PER3: variants seen among roughly 807,000 people sequenced by gnomAD.
The protein encoded by PER3 is period circadian regulator 3.
A neutral mutation model predicts 127.2 loss-of-function variants in PER3; 107 were observed. The ratio of observed to expected loss-of-function variants is 0.84; its 90% CI spans 0.72 to 0.99. The LOEUF is 0.99. PER3 is among the 50% of genes least tolerant of loss of function. The probability of loss-of-function intolerance (pLI) is 0.00; values close to 1 mark genes in which losing one functional copy is unlikely to be tolerated. For synonymous variants in PER3, 618 were observed against 585.8 expected, an observed-to-expected ratio of 1.05 and a Z score of -0.79; for missense variants, 1,560 against 1,525.8, an observed-to-expected ratio of 1.02 and a Z score of -0.37.
chr1:7,840,098 C>T (rs1024638645), intron 21 of PER3, among the ~76,000 whole-genome samples: 1 of 152,138 alleles, frequency 6.6e-6, no homozygotes, highest in Admixed American at 6.5e-5. Flanking sequence ...TCGGACTTGA[C>T]AGTTTCAATT....
intron 13 of PER3, among the ~76,000 whole-genome samples, chr1:7,814,663 G>A (rs1411253518): frequency 6.6e-6 from 1 of 152,152 alleles, no homozygotes; most frequent in Non-Finnish European, 1.5e-5. Context: ...GGGAATAAAT[G>A]AAGATAAAAT....
chr1:7,819,557 C>G (rs2097266271), intron 14 of PER3, 137 bp downstream of exon 14: 7 of 732,362 alleles, frequency 9.6e-6, no homozygotes, highest in Non-Finnish European at 1.6e-5. Context: ...TATGGCGTGC[C>G]TAACACATAC....
chr1:7,805,992 TATTC>T (rs2097190947), intron 10 of PER3, among the ~76,000 whole-genome samples: 1 of 151,890 alleles, frequency 6.6e-6, no homozygotes, highest in Non-Finnish European at 1.5e-5. Flanking sequence ...AAATATTAAT[TATTC>T]ATTATATTTA....
Position 7,837,022 on chromosome 1 carries a change from A to T in PER3, c.3422A>T (p.Glu1141Val). Residue 1141 changes from glutamate (E) to valine (V), a missense_variant, in exon 21 of 22, where the codon GAA becomes GTA. Physicochemically the swap from Glu to Val is moderately radical, Grantham distance 121. Coordinates refer to ENST00000377532, the MANE Select transcript of PER3 (RefSeq NM_001377275.1). The stretch of plus-strand genomic sequence containing the variant: ...AGGGTTAAAGAAGTTGTACTAAAAG[A>T]AGACCTGGAAAAGCTAGAAAGTATG... ...PERVKEVVLK[E>V]DLEKLESMRQ... 1 of 1,613,610 alleles carries T rather than the reference A, an allele frequency of 6.2e-7. No individual in the cohort carries two copies. The highest frequency in any genetic ancestry group is 8.5e-7 in the Non-Finnish European group (1 of 1,179,786).
intron 10 of PER3, among the ~76,000 whole-genome samples, chr1:7,807,277 GAT>G (rs1319601774): frequency 6.6e-6 from 1 of 152,210 alleles, no homozygotes; most frequent in South Asian, 2.1e-4. Context: ...ACGCCATGCA[GAT>G]AGATATTGAT....
intron 7 of PER3, among the ~76,000 whole-genome samples, chr1:7,800,599 G>A (rs1476569793): frequency 3.3e-5 from 5 of 152,022 alleles, no homozygotes; most frequent in African/African-American, 7.2e-5. Context: ...TAGTATTTTC[G>A]TTTGTTTAGT....
chr1:7,809,425 T>G (rs528466166), intron 11 of PER3, among the ~76,000 whole-genome samples: 77 of 152,226 alleles, frequency 5.1e-4, no homozygotes, highest in African/African-American at 1.8e-3. Context: ...CTACAAGAGA[T>G]TCAATGAATA....
intron 21 of PER3, among the ~76,000 whole-genome samples, chr1:7,842,154 G>A (rs761755125): frequency 1.4e-4 from 22 of 152,156 alleles, no homozygotes; most frequent in Admixed American, 4.6e-4. Flanking sequence ...GTTTTTGACC[G>A]AAACGTCATG....
chr1:7,793,843 G>A, intron 5 of PER3, 114 bp from the exon 6 acceptor site: 1 of 868,900 alleles, frequency 1.2e-6, no homozygotes, highest in Non-Finnish European at 1.9e-6. Flanking sequence ...TTTTAATCAA[G>A]GAGACCTCTC....
At position 7,819,359 on chromosome 1, in the gene PER3, T is replaced by A. The variant is rs761293154; in HGVS notation, c.1597T>A (p.Leu533Met). ...TGTGTACACTGAGCCCTGTGAGGATTTGAGGAACGATGAGCACAGCCCATC... is the reference window on the plus strand; with the variant it reads ...TGTGTACACTGAGCCCTGTGAGGATATGAGGAACGATGAGCACAGCCCATC... ...NSVYTEPCED[L>M]RNDEHSPSYQ... Residue 533 changes from leucine to methionine, a missense_variant, in exon 14 of 22, where the codon TTG becomes ATG. Physicochemically the swap from Leu to Met is conservative, Grantham distance 15. Around this residue, in one of 3 missense-constraint regions of PER3, gnomAD observed 1,332 missense variants for 1,223.6 expected, o/e 1.09. Transcript: ENST00000377532. The A allele has an allele frequency of 8.1e-6, 13 of 1,613,906 alleles. No homozygotes were observed. Among genetic ancestry groups the A allele is most frequent in the Non-Finnish European group, 1.1e-5 (13 of 1,179,898 alleles).
intron 20 of PER3, 45 bp from the exon 21 acceptor site, chr1:7,836,954 T>A: frequency 6.6e-7 from 1 of 1,510,974 alleles, no homozygotes; most frequent in Non-Finnish European, 9.1e-7. Flanking sequence ...AAAAGAACCC[T>A]GTGTCTTATT....
intron 16 of PER3, among the ~76,000 whole-genome samples, chr1:7,824,480 T>C (rs1409656033): frequency 6.6e-6 from 1 of 152,194 alleles, no homozygotes; most frequent in Non-Finnish European, 1.5e-5. Context: ...TTAGGTCTTT[T>C]GTCTATATAA....
chr1:7,827,332 C>G lies in PER3; in HGVS notation c.2403C>G (p.Ser801Arg). Residue 801 changes from serine (S) to arginine (R), a missense_variant, in exon 18 of 22, where the codon AGC (serine) becomes AGG (arginine). Around this residue, in one of 3 missense-constraint regions of PER3, gnomAD observed 1,332 missense variants for 1,223.6 expected, o/e 1.09. Coordinates refer to ENST00000377532, the MANE Select transcript of PER3 (RefSeq NM_001377275.1). ...TCCCACCTGCCGCCATGGTGCCCAGCCAGGCCCCTTACCTCGTCCCAGCTT... is the reference window on the plus strand; with the variant it reads ...TCCCACCTGCCGCCATGGTGCCCAGGCAGGCCCCTTACCTCGTCCCAGCTT... ...PTFPPAAMVP[S>R]QAPYLVPAFP... is the part of the protein sequence containing the mutation. The G allele has an allele frequency of 1.9e-6, 3 of 1,613,950 alleles. No homozygotes were observed. The highest frequency in any genetic ancestry group is 2.5e-6 in the Non-Finnish European group (3 of 1,179,954).
intron 6 of PER3, among the ~76,000 whole-genome samples, chr1:7,795,576 C>T (rs564734611): frequency 4.6e-5 from 7 of 152,240 alleles, no homozygotes; most frequent in Non-Finnish European, 8.8e-5. Flanking sequence ...GAGCAGCAGG[C>T]GCAGAGGCCC....
intron 21 of PER3, among the ~76,000 whole-genome samples, chr1:7,838,890 TTCAG>T (rs1463322287): frequency 2.0e-5 from 3 of 152,200 alleles, no homozygotes; most frequent in African/African-American, 4.8e-5. Context: ...TCAAAATCGG[TTCAG>T]TCAATCTCTG....
At chr1:7,836,978 A>T in intron 20 of PER3, 21 bp from the exon 21 acceptor site, 1 of 1,602,630 alleles carries the variant, frequency 6.2e-7, no homozygotes, top group African/African-American at 1.3e-5. Context: ...GACTATTAAG[A>T]TTCTGTTTGT....
chr1:7,814,766 C>G (rs555748980), intron 13 of PER3, among the ~76,000 whole-genome samples: 1 of 152,110 alleles, frequency 6.6e-6, no homozygotes, highest in African/African-American at 2.4e-5. Context: ...TAAAAGTAAT[C>G]TTTGTGACAA....
At chr1:7,840,887 C>T (rs145634325) in intron 21 of PER3, among the ~76,000 whole-genome samples, 7,445 of 152,222 alleles carry the variant, frequency 0.049, 634 homozygotes, top group East Asian at 0.27. Flanking sequence ...GGATTACAGG[C>T]GTGAGCCACT....
chr1:7,802,484 C>T (rs961239363), intron 8 of PER3, among the ~76,000 whole-genome samples: 1 of 152,168 alleles, frequency 6.6e-6, no homozygotes, highest in Non-Finnish European at 1.5e-5. Flanking sequence ...AGACTGGTCT[C>T]GAACTCCTGA....
Sources: allele counts gnomAD v4.1 joint callset (sites outside exome capture counted in the v4.1 genomes callset), GRCh38; gene constraint gnomAD v4.1.1; regional missense constraint gnomAD v4.1.1; transcripts MANE v1.5; gene names NCBI Gene and HGNC (gene_info 2026-07-23, HGNC 2026-07-21).